Variants in EXT1 observed in about 807,000 individuals in gnomAD.
The protein encoded by EXT1 is exostosin glycosyltransferase 1, also known as exostosin-1.
Under a neutral mutation model 82.5 loss-of-function variants are expected in EXT1, and 20 were observed. The ratio of observed to expected loss-of-function variants is 0.24; its 90% CI spans 0.17 to 0.35. The LOEUF is 0.35. EXT1 is among the 10% of genes least tolerant of loss of function. EXT1 has a pLI of 1.00. For synonymous variants in EXT1, 348 were observed against 350.8 expected (o/e 0.99, Z 0.09); for missense variants, 757 against 936.5 (o/e 0.81, Z 2.50).
At position 117,812,875 on chromosome 8, in the gene EXT1, T is replaced by C; in HGVS notation, c.1719A>G (p.Thr573=). 6.2e-7 allele frequency: 1 copy of C among 1,613,994 alleles called. No homozygotes were observed. Among genetic ancestry groups the C allele is most frequent in the Non-Finnish European group, 8.5e-7 (1 of 1,179,966 alleles). ...SLDEDTVLST[T]EVDFAFTVWQ... ...CTCCTCAGGCATGGGTTCTTACCTC[T>C]GTTGTTGAAAGCACCGTGTCCTCGT... Residue 573 remains threonine, a synonymous_variant, in exon 8 of 11, where the codon ACA becomes ACG. Transcript: ENST00000378204.
At chr8:117,923,618 C>G (rs1358729733) in intron 1 of EXT1, among the ~76,000 whole-genome samples, 1 of 149,920 alleles carries the variant, frequency 6.7e-6, no homozygotes, top group Non-Finnish European at 1.5e-5. Flanking sequence ...CCCAGCTACT[C>G]GGGAGGCTGA....
chr8:117,866,645 T>C (rs1289530775), intron 1 of EXT1, among the ~76,000 whole-genome samples: 1 of 152,298 alleles, frequency 6.6e-6, no homozygotes, highest in African/African-American at 2.4e-5. Context: ...TTATCCATTG[T>C]TGGGTATCTC....
rs1177400977 is a variant in EXT1, at chr8:118,110,841, T to C, written c.206A>G (p.Asp69Gly). The C allele has an allele frequency of 6.2e-7, 1 of 1,612,492 alleles. No homozygotes were observed. The highest frequency in any genetic ancestry group is 1.1e-5 in the South Asian group (1 of 91,052). ...GCTGGAATCCTCGTTTTCCAATTGA[T>C]CCCAAGGAACGAAGGGGCGCAGAGC... Reference protein sequence around the residue: ...PDALRPFVPWDQLENEDSSVH... With the variant: ...PDALRPFVPWGQLENEDSSVH... The change falls in exon 1 of 11, where the codon GAT becomes GGT. Residue 69 changes from aspartate to glycine, a missense_variant. Around this residue, in one of 4 missense-constraint regions of EXT1, gnomAD observed 175 missense variants for 159.0 expected, o/e 1.10. Coordinates refer to ENST00000378204, the MANE Select transcript of EXT1 (RefSeq NM_000127.3).
Position 117,796,742 on chromosome 8 carries a change from T to C in EXT1, c.*2970A>G, listed in dbSNP as rs893519286. ...TATGCTATCTTTTGTGGTATGACTATCGTGATTATTTCATGGATTTTTCTC... is the reference window on the plus strand; with the variant it reads ...TATGCTATCTTTTGTGGTATGACTACCGTGATTATTTCATGGATTTTTCTC... On this transcript the variant is annotated 3_prime_UTR_variant, in exon 11 of 11. Transcript: ENST00000378204. 6.6e-6 allele frequency: 1 copy of C among 152,184 alleles called. No homozygotes were observed. The highest frequency in any genetic ancestry group is 1.5e-5 in the Non-Finnish European group (1 of 68,028). 9.4% of individuals were successfully genotyped at this position (152,184 alleles called of 1,614,324 possible).
At chr8:118,043,929 G>C (rs955504460) in intron 1 of EXT1, among the ~76,000 whole-genome samples, 4 of 152,164 alleles carry the variant, frequency 2.6e-5, no homozygotes, top group African/African-American at 9.7e-5. Context: ...TATTGGCCAC[G>C]TGGAGCTTTC....
At chr8:117,979,411 A>G (rs1470502243) in intron 1 of EXT1, among the ~76,000 whole-genome samples, 1 of 152,010 alleles carries the variant, frequency 6.6e-6, no homozygotes, top group Non-Finnish European at 1.5e-5. Context: ...ATCCTTATCC[A>G]TTACTTATGT....
chr8:117,856,076 T>A (rs1224603925), intron 1 of EXT1, among the ~76,000 whole-genome samples: 1 of 152,162 alleles, frequency 6.6e-6, no homozygotes, highest in African/African-American at 2.4e-5. Context: ...AACAGCCAAG[T>A]CATGAATGCA....
chr8:117,809,361 GCA>G (rs1030663610), intron 8 of EXT1, among the ~76,000 whole-genome samples: 3 of 151,470 alleles, frequency 2.0e-5, no homozygotes, highest in South Asian at 2.1e-4. Context: ...ACGGGGCCAG[GCA>G]CAGTGTCTCA....
chr8:117,927,416 GA>G (rs557704697), intron 1 of EXT1, among the ~76,000 whole-genome samples: 1,853 of 17,876 alleles, frequency 0.1, 38 homozygotes, highest in African/African-American at 0.19. Context: ...TCCTCTGGGG[GA>G]AAAAAAAAAA....
At chr8:117,941,794 T>C (rs1250576619) in intron 1 of EXT1, among the ~76,000 whole-genome samples, 3 of 152,150 alleles carry the variant, frequency 2.0e-5, no homozygotes, top group South Asian at 4.1e-4. Flanking sequence ...AAACATGAGG[T>C]AGAAATCACA....
chr8:117,904,033 A>G (rs936754634), intron 1 of EXT1, among the ~76,000 whole-genome samples: 12 of 152,240 alleles, frequency 7.9e-5, no homozygotes, highest in African/African-American at 2.9e-4. Flanking sequence ...TTAATTAACT[A>G]GAACATAAAG....
intron 1 of EXT1, among the ~76,000 whole-genome samples, chr8:118,095,373 G>GT (rs1363111132): frequency 6.6e-6 from 1 of 152,138 alleles, no homozygotes; most frequent in Admixed American, 6.6e-5. Context: ...TTAAAAACAT[G>GT]TAACTCTATA....
intron 1 of EXT1, among the ~76,000 whole-genome samples, chr8:117,918,083 G>A (rs927630379): frequency 6.6e-6 from 1 of 152,100 alleles, no homozygotes; most frequent in African/African-American, 2.4e-5. Flanking sequence ...TCCTTGCTGA[G>A]CTTCAAAGCC....
chr8:117,942,774 GTTTT>G (rs1320328041), intron 1 of EXT1, among the ~76,000 whole-genome samples: 1 of 152,100 alleles, frequency 6.6e-6, no homozygotes, highest in African/African-American at 2.4e-5. Context: ...TCTGTTGAAT[GTTTT>G]TTTAAACATT....
chr8:118,044,887 A>G (rs1032730164), intron 1 of EXT1, among the ~76,000 whole-genome samples: 1 of 152,228 alleles, frequency 6.6e-6, no homozygotes, highest in African/African-American at 2.4e-5. Flanking sequence ...TATTGTCTAC[A>G]GCTGCTATCC....
At chr8:118,024,204 C>T (rs568978974) in intron 1 of EXT1, among the ~76,000 whole-genome samples, 13 of 152,206 alleles carry the variant, frequency 8.5e-5, no homozygotes, top group African/African-American at 3.1e-4. Context: ...ACCCTGTAAG[C>T]TAATACCCTT....
chr8:118,100,787 C>A lies in EXT1; in HGVS notation c.962+9298G>T, dbSNP rs565108753. 5.3e-5 allele frequency among the ~76,000 whole-genome samples: 8 copies of A among 152,052 alleles called. No homozygotes were observed. In the South Asian group the frequency reaches 6.2e-4, roughly 12 times the overall value. On this transcript the variant is annotated intron_variant, in intron 1 of 10. Coordinates refer to ENST00000378204, the MANE Select transcript of EXT1 (RefSeq NM_000127.3). ...AGTCAACTGGAAAAGAGATCACCTG[C>A]ATTAATAGAGCAGTCAACCTGGGAA...
chr8:118,026,000 G>T (rs551034265), intron 1 of EXT1, among the ~76,000 whole-genome samples: 70 of 152,276 alleles, frequency 4.6e-4, no homozygotes, highest in African/African-American at 1.6e-3. Context: ...CGCAGAAAAG[G>T]ACTGCCACAC....
intron 1 of EXT1, among the ~76,000 whole-genome samples, chr8:118,072,992 C>A (rs190891619): frequency 6.6e-6 from 1 of 152,238 alleles, no homozygotes; most frequent in East Asian, 1.9e-4. Flanking sequence ...TTGAAAGAAG[C>A]CTGAAGTGGA....
Sources: gnomAD v4.1 joint callset for allele counts (sites outside exome capture counted in the v4.1 genomes callset) on GRCh38, gnomAD v4.1.1 for gene constraint, gnomAD v4.1.1 regional missense constraint, MANE v1.5 for transcripts, NCBI Gene and HGNC (gene_info 2026-07-23, HGNC 2026-07-21) for gene names.